Variants in THSD7B observed in about 807,000 individuals in gnomAD.
THSD7B encodes the protein thrombospondin type 1 domain containing 7B, also known as thrombospondin type-1 domain-containing protein 7B.
Under a neutral mutation model 213.6 loss-of-function variants are expected in THSD7B, and 138 were observed. That is an observed-to-expected ratio of 0.65 (90% CI 0.56 to 0.74). THSD7B has a LOEUF of 0.74. THSD7B is among the 30% of genes least tolerant of loss of function. The pLI, the probability that THSD7B is intolerant of heterozygous loss-of-function variation, is 0.00. For missense variants in THSD7B, 1,931 were observed against 1,991.5 expected (o/e 0.97, Z 0.58); for synonymous variants, 742 against 687.0 (o/e 1.08, Z -1.25).
intron 7 of THSD7B, among the ~76,000 whole-genome samples, chr2:137,212,673 T>C (rs1339968158): frequency 6.6e-6 from 1 of 151,824 alleles, no homozygotes; most frequent in Non-Finnish European, 1.5e-5. Flanking sequence ...AAAAATATCA[T>C]TTTTTTTCCT....
chr2:137,537,655 T>G (rs1158873740), intron 15 of THSD7B, among the ~76,000 whole-genome samples: 1 of 151,728 alleles, frequency 6.6e-6, no homozygotes, highest in African/African-American at 2.4e-5. Context: ...CATTAAGATT[T>G]GTGGTCTATT....
At chr2:136,788,710 A>T (rs1181861541) in intron 1 of THSD7B, among the ~76,000 whole-genome samples, 1 of 152,136 alleles carries the variant, frequency 6.6e-6, no homozygotes, top group Non-Finnish European at 1.5e-5. Flanking sequence ...CTTAAGTTTT[A>T]TGGCCCATTT....
chr2:137,397,677 C>T lies in THSD7B; in HGVS notation c.2501-7936C>T, dbSNP rs371400903. On this transcript the variant is annotated intron_variant, in intron 12 of 27. Coordinates refer to ENST00000409968, the MANE Select transcript of THSD7B (RefSeq NM_001316349.2). Reference sequence around the variant, plus strand: ...CTCTTCTCGAGGAGTATCTTTGTGGCGTTCTCTGTATTTCCTGAATCTGAA... The same window carrying T: ...CTCTTCTCGAGGAGTATCTTTGTGGTGTTCTCTGTATTTCCTGAATCTGAA... Among the ~76,000 whole-genome samples the T allele has an allele frequency of 1.1e-3, 170 of 151,656 alleles. 2 individuals carry two copies. In the East Asian group the frequency reaches 0.029, roughly 26 times the overall value.
intron 10 of THSD7B, among the ~76,000 whole-genome samples, chr2:137,248,146 G>C (rs1441371160): frequency 6.6e-6 from 1 of 152,064 alleles, no homozygotes; most frequent in South Asian, 2.1e-4. Context: ...TGGAGGATGA[G>C]AAATACTCAG....
chr2:137,493,630 G>T (rs929459112), intron 15 of THSD7B, among the ~76,000 whole-genome samples: 6 of 152,124 alleles, frequency 3.9e-5, no homozygotes, highest in African/African-American at 1.4e-4. Flanking sequence ...TTTTACCTTT[G>T]GTTTATGCAC....
chr2:137,405,231 C>A (rs1686488848), intron 12 of THSD7B, among the ~76,000 whole-genome samples: 1 of 148,650 alleles, frequency 6.7e-6, no homozygotes, highest in South Asian at 2.1e-4. Flanking sequence ...CTAGGAGGAG[C>A]CTAAGTGATT....
At chr2:137,547,075 A>G (rs981522386) in intron 15 of THSD7B, among the ~76,000 whole-genome samples, 1 of 152,046 alleles carries the variant, frequency 6.6e-6, no homozygotes, top group Non-Finnish European at 1.5e-5. Context: ...ACAGCTTTCA[A>G]TTAGTCCATA....
Position 137,629,466 on chromosome 2 carries a change from C to T in THSD7B, c.3799+8740C>T, listed in dbSNP as rs1432786331. On this transcript the variant is annotated intron_variant, in intron 20 of 27. Coordinates refer to ENST00000409968, the MANE Select transcript of THSD7B (RefSeq NM_001316349.2). ...TAAGCAGTTCTGTTAGTGCTGTGGA[C>T]TCATCAGACCCTGTTGTCTACTAGA... is the stretch of plus-strand genomic sequence containing the variant. 2.0e-5 allele frequency among the ~76,000 whole-genome samples: 3 copies of T among 152,256 alleles called. No homozygotes were observed. In the East Asian group the frequency reaches 5.8e-4, roughly 29 times the overall value.
intron 2 of THSD7B, among the ~76,000 whole-genome samples, chr2:136,962,012 G>C (rs1286138964): frequency 1.3e-5 from 2 of 152,170 alleles, no homozygotes; most frequent in East Asian, 3.9e-4. Flanking sequence ...CCCTGAGATG[G>C]GGAGATTATC....
At chr2:137,280,801 T>C (rs1682989104) in intron 12 of THSD7B, among the ~76,000 whole-genome samples, 1 of 152,138 alleles carries the variant, frequency 6.6e-6, no homozygotes, top group African/African-American at 2.4e-5. Flanking sequence ...CTTAAAATGC[T>C]AAAACGTTAG....
intron 2 of THSD7B, among the ~76,000 whole-genome samples, chr2:137,016,671 C>T (rs982523101): frequency 3.3e-5 from 5 of 152,226 alleles, no homozygotes; most frequent in African/African-American, 1.2e-4. Flanking sequence ...AGGGTATATT[C>T]TCAGAGAATA....
At chr2:137,145,202 A>G (rs1399953798) in intron 5 of THSD7B, among the ~76,000 whole-genome samples, 1 of 152,112 alleles carries the variant, frequency 6.6e-6, no homozygotes, top group Non-Finnish European at 1.5e-5. Flanking sequence ...TCATAGATAT[A>G]AAATAACATA....
At chr2:136,792,743 C>CT (rs1681991326) in intron 1 of THSD7B, among the ~76,000 whole-genome samples, 1 of 152,020 alleles carries the variant, frequency 6.6e-6, no homozygotes, top group Admixed American at 6.6e-5. Context: ...TATAAATCCC[C>CT]ATTTCAAACC....
chr2:136,942,315 G>T (rs1684841890), intron 2 of THSD7B, among the ~76,000 whole-genome samples: 1 of 152,100 alleles, frequency 6.6e-6, no homozygotes, highest in Admixed American at 6.5e-5. Context: ...GGTTGGGATT[G>T]TCTTGGCAAT....
chr2:137,257,765 T>C (rs1463297930), intron 10 of THSD7B, among the ~76,000 whole-genome samples: 2 of 152,146 alleles, frequency 1.3e-5, no homozygotes, highest in African/African-American at 4.8e-5. Context: ...TTTTATTGGA[T>C]TGCATTTCTT....
chr2:137,242,343 A>T, intron 9 of THSD7B, 114 bp from the exon 10 acceptor site: 1 of 729,570 alleles, frequency 1.4e-6, no homozygotes. Context: ...CTCTTCCCTC[A>T]CCTATTAAGG....
chr2:137,019,250 A>G (rs1686397955), intron 2 of THSD7B, among the ~76,000 whole-genome samples: 2 of 152,054 alleles, frequency 1.3e-5, no homozygotes, highest in Non-Finnish European at 2.9e-5. Flanking sequence ...ATTTTTCTGT[A>G]ATTGTTGGTT....
intron 13 of THSD7B, among the ~76,000 whole-genome samples, chr2:137,410,466 A>T (rs996558643): frequency 6.6e-6 from 1 of 151,992 alleles, no homozygotes; most frequent in African/African-American, 2.4e-5. Context: ...ATGGGGTTTC[A>T]CTATGTTGGC....
At chr2:137,043,432 C>G (rs1306764874) in intron 2 of THSD7B, among the ~76,000 whole-genome samples, 1 of 152,058 alleles carries the variant, frequency 6.6e-6, no homozygotes, top group Admixed American at 6.6e-5. Flanking sequence ...TCTCAGTGAC[C>G]TCGGCCTGCT....
Sources: gnomAD v4.1 joint callset for allele counts (sites outside exome capture counted in the v4.1 genomes callset) on GRCh38, gnomAD v4.1.1 for gene constraint, MANE v1.5 for transcripts, NCBI Gene and HGNC (gene_info 2026-07-23, HGNC 2026-07-21) for gene names.